Variants in NEU3 observed in about 807,000 individuals in gnomAD.
The protein encoded by NEU3 is sialidase-3.
Under a neutral mutation model 11.4 loss-of-function variants are expected in NEU3, and 10 were observed. The ratio of observed to expected loss-of-function variants is 0.88; its 90% CI spans 0.54 to 1.49. The LOEUF is 1.49. Ranked by LOEUF, NEU3 falls within the 40% of genes most tolerant of loss-of-function variation. NEU3 has a pLI of 0.00. For missense variants in NEU3, 529 were observed against 581.8 expected, an observed-to-expected ratio of 0.91 and a Z score of 0.93; for synonymous variants, 212 against 228.2, an observed-to-expected ratio of 0.93 and a Z score of 0.64.
chr11:75,013,026 TTAAA>T (rs35457791), downstream of NEU3, among the ~76,000 whole-genome samples: 3,750 of 152,298 alleles, frequency 0.025, 156 homozygotes, highest in African/African-American at 0.085. Flanking sequence ...ACAAATTACT[TTAAA>T]TACTAAAGTT....
chr11:74,988,660 C>G (rs1029781800), upstream of NEU3: 3 of 236,698 alleles, frequency 1.3e-5, no homozygotes, highest in Non-Finnish European at 2.5e-5. Context: ...TGATACCGAG[C>G]TACAGACCAA....
downstream of NEU3, among the ~76,000 whole-genome samples, chr11:75,012,745 C>A (rs1948964236): frequency 6.6e-6 from 1 of 152,164 alleles, no homozygotes; most frequent in African/African-American, 2.4e-5. Flanking sequence ...GTAATGAATT[C>A]TTTAAGCTCT....
downstream of NEU3, among the ~76,000 whole-genome samples, chr11:75,011,616 G>T (rs566333712): frequency 6.6e-6 from 1 of 152,166 alleles, no homozygotes; most frequent in Non-Finnish European, 1.5e-5. Flanking sequence ...GTTGAGAGGC[G>T]GCAAGAGTCC....
In NEU3 at chr11:74,989,142, G is replaced by A; in HGVS notation, c.82G>A (p.Gly28Arg). ...SSAPTETEEP[G>R]SSAEVMEEVT... is the part of the protein sequence containing the mutation. ...TGCCCCGACAGAGACGGAGGAGCCGGGGTCCAGTGCAGGTGAGCGGGGTTG... is the reference window on the plus strand; with the variant it reads ...TGCCCCGACAGAGACGGAGGAGCCGAGGTCCAGTGCAGGTGAGCGGGGTTG... The change falls in exon 1 of 3, where the codon GGG becomes AGG. Residue 28 changes from glycine to arginine, a missense_variant. Transcript: ENST00000294064. 1 of 1,551,220 alleles carries A rather than the reference G, an allele frequency of 6.4e-7. No homozygotes were observed. The highest frequency in any genetic ancestry group is 8.7e-7 in the Non-Finnish European group (1 of 1,146,908).
At chr11:75,001,425 G>A (rs543619224) in intron 2 of NEU3, among the ~76,000 whole-genome samples, 3 of 151,894 alleles carry the variant, frequency 2.0e-5, no homozygotes, top group African/African-American at 7.2e-5. Flanking sequence ...GACTACAGGT[G>A]TGTGCCACCA....
intron 3 of NEU3, among the ~76,000 whole-genome samples, chr11:75,017,579 G>A (rs1360562677): frequency 2.0e-5 from 3 of 152,142 alleles, no homozygotes; most frequent in Admixed American, 1.3e-4. Flanking sequence ...TGGGGTGTCC[G>A]AGGTAGGCTA....
At chr11:75,019,830 T>G (rs989149914), downstream of NEU3, among the ~76,000 whole-genome samples, 8 of 152,198 alleles carry the variant, frequency 5.3e-5, no homozygotes, top group African/African-American at 9.6e-5. Flanking sequence ...ACTAGGGCAC[T>G]GCCTAGTGGA....
At chr11:74,991,357 C>T (rs1245272176) in intron 1 of NEU3, among the ~76,000 whole-genome samples, 1 of 152,174 alleles carries the variant, frequency 6.6e-6, no homozygotes, top group African/African-American at 2.4e-5. Context: ...TCTCCCAGTT[C>T]CCCTCATGAT....
intron 2 of NEU3, chr11:75,004,477 G>A: frequency 2.1e-6 from 1 of 475,372 alleles, no homozygotes; most frequent in Admixed American, 4.0e-5. Context: ...TCTGTGAGTT[G>A]TCTGATCTTG....
At chr11:74,980,855 A>C in the NEU3 span, among the ~76,000 whole-genome samples, 1 of 152,212 alleles carries the variant, frequency 6.6e-6, no homozygotes, top group Non-Finnish European at 1.5e-5. Context: ...GCCCCATTTT[A>C]ACTGCTGCTA....
intron 2 of NEU3, 162 bp downstream of exon 2, chr11:74,994,882 G>T (rs777002606): frequency 5.5e-5 from 40 of 726,898 alleles, no homozygotes; most frequent in Non-Finnish European, 9.4e-5. Context: ...AGTGCTTATT[G>T]TGTGCCAGGG....
downstream of NEU3, among the ~76,000 whole-genome samples, chr11:75,014,779 C>T (rs1591766009): frequency 2.0e-5 from 3 of 151,984 alleles, no homozygotes; most frequent in Admixed American, 1.3e-4. Context: ...GTGGGAGGAC[C>T]ACGTGAGGCC....
chr11:74,990,190 T>G, intron 1 of NEU3: 1 of 598,094 alleles, frequency 1.7e-6, no homozygotes, highest in Admixed American at 2.8e-5. Context: ...TTCATATTGA[T>G]CTGCTTAGGT....
At chr11:74,988,673 T>TA (rs1948693347), upstream of NEU3, 1 of 268,178 alleles carries the variant, frequency 3.7e-6, no homozygotes, top group African/African-American at 2.3e-5. Flanking sequence ...CAGACCAATA[T>TA]AAGAGCTCGG....
At chr11:75,016,354 A>T (rs1017813456) in intron 3 of NEU3, among the ~76,000 whole-genome samples, 1 of 152,140 alleles carries the variant, frequency 6.6e-6, no homozygotes, top group Admixed American at 6.5e-5. Flanking sequence ...CCCCAGATTC[A>T]GATTTCTTTG....
intron 1 of NEU3, among the ~76,000 whole-genome samples, chr11:74,993,447 G>T (rs912919013): frequency 3.3e-5 from 5 of 152,020 alleles, no homozygotes; most frequent in African/African-American, 1.2e-4. Flanking sequence ...CTCGTGATCC[G>T]CCCACCTTGG....
intron 3 of NEU3, among the ~76,000 whole-genome samples, chr11:75,017,733 G>T (rs1948987238): frequency 6.6e-6 from 1 of 152,106 alleles, no homozygotes; most frequent in Non-Finnish European, 1.5e-5. Context: ...CTCTCTCAGG[G>T]CTATGGGGGG....
chr11:75,006,364 G>A lies in NEU3; in HGVS notation c.1258G>A (p.Glu420Lys), dbSNP rs1265052408. The A allele has an allele frequency of 1.2e-6, 2 of 1,613,882 alleles. No homozygotes were observed. Among genetic ancestry groups the A allele is most frequent in the African/African-American group, 2.7e-5 (2 of 74,908 alleles). ...EEEGLFGCLF[E>K]CGTKQECEQI... ...GGAGGGCTTGTTTGGGTGTTTGTTT[G>A]AATGTGGGACCAAGCAAGAGTGTGA... Residue 420 changes from glutamate to lysine, a missense_variant, in exon 3 of 3, where the codon GAA becomes AAA. By Grantham distance (56) the Glu-to-Lys change is moderately conservative. Transcript: ENST00000294064.
chr11:74,998,635 T>A (rs1375284269), intron 2 of NEU3, among the ~76,000 whole-genome samples: 1 of 152,182 alleles, frequency 6.6e-6, no homozygotes, highest in Non-Finnish European at 1.5e-5. Flanking sequence ...CAGATAACCT[T>A]CTTCTGCTGT....
Sources: allele counts gnomAD v4.1 joint callset (sites outside exome capture counted in the v4.1 genomes callset), GRCh38; gene constraint gnomAD v4.1.1; transcripts MANE v1.5; gene names NCBI Gene and HGNC (gene_info 2026-07-23, HGNC 2026-07-21).